Variants in UBE2W observed in about 807,000 individuals in gnomAD.
UBE2W encodes the protein ubiquitin conjugating enzyme E2 W.
In UBE2W, 18 loss-of-function variants were observed where a neutral mutation model predicts 27.2. The ratio of observed to expected loss-of-function variants is 0.66; its 90% CI spans 0.46 to 0.98. UBE2W has a LOEUF of 0.98. Ranked by LOEUF, UBE2W falls within the 50% of genes least tolerant of loss-of-function variation. The pLI, the probability that UBE2W is intolerant of heterozygous loss-of-function variation, is 0.00. For missense variants in UBE2W, 90 were observed against 180.2 expected, an observed-to-expected ratio of 0.50 and a Z score of 2.87; for synonymous variants, 53 against 57.2, an observed-to-expected ratio of 0.93 and a Z score of 0.33.
At position 73,869,099 on chromosome 8, in the gene UBE2W, G is replaced by A. The variant is rs547793444; in HGVS notation, c.15+9709C>T. On this transcript the variant is annotated intron_variant, in intron 1 of 5. Transcript: ENST00000602593. ...ATTACTTGGCTACGAAAAGGAATAAGTATTCATACAAGCTACAACATGGAT... is the reference window on the plus strand; with the variant it reads ...ATTACTTGGCTACGAAAAGGAATAAATATTCATACAAGCTACAACATGGAT... Among the ~76,000 whole-genome samples, 8 of 152,312 alleles carry A rather than the reference G, an allele frequency of 5.3e-5. No homozygotes were observed. In the South Asian group the frequency reaches 1.7e-3, roughly 32 times the overall value.
At chr8:73,866,313 A>G (rs1811771320) in intron 1 of UBE2W, among the ~76,000 whole-genome samples, 1 of 139,126 alleles carries the variant, frequency 7.2e-6, no homozygotes, top group South Asian at 2.2e-4. Flanking sequence ...ATATATATAT[A>G]TATATACTCA....
chr8:73,859,982 G>A (rs964602869), intron 1 of UBE2W, among the ~76,000 whole-genome samples: 8 of 152,128 alleles, frequency 5.3e-5, no homozygotes, highest in African/African-American at 1.2e-4. Flanking sequence ...TTTCAGAAAT[G>A]AGGAAAAGTA....
At chr8:73,854,041 C>G (rs1340841021) in intron 1 of UBE2W, among the ~76,000 whole-genome samples, 1 of 151,980 alleles carries the variant, frequency 6.6e-6, no homozygotes, top group Non-Finnish European at 1.5e-5. Flanking sequence ...CCCAGCTACT[C>G]AGGAGGCTGA....
chr8:73,855,824 A>T (rs1235361961), intron 1 of UBE2W, among the ~76,000 whole-genome samples: 1 of 152,132 alleles, frequency 6.6e-6, no homozygotes, highest in African/African-American at 2.4e-5. Context: ...TTAATTATTA[A>T]TTAAATCATT....
intron 1 of UBE2W, among the ~76,000 whole-genome samples, chr8:73,853,551 G>A (rs1811163439): frequency 6.6e-6 from 1 of 152,062 alleles, no homozygotes; most frequent in Non-Finnish European, 1.5e-5. Context: ...GTGAACCATT[G>A]CGCCTGACCC....
intron 3 of UBE2W, among the ~76,000 whole-genome samples, chr8:73,819,418 C>A (rs887166925): frequency 6.6e-6 from 1 of 152,152 alleles, no homozygotes; most frequent in East Asian, 1.9e-4. Flanking sequence ...ATTTACCTAT[C>A]CAAATACTAA....
rs1002227410 is a variant in UBE2W at position 73,791,905 on chromosome 8, C to A, written c.*2197G>T. The A allele has an allele frequency of 4.1e-6, 4 of 984,650 alleles. No homozygotes were observed. In the African/African-American group the frequency reaches 5.2e-5, roughly 13 times the overall value. The allele number at this position is 984,650 out of a possible 1,614,324, so 61.0% of individuals were successfully genotyped here. A position where few individuals can be genotyped will look rare whatever the true frequency, so the allele number is the denominator to read the frequency against. ...TGTTAAAATATTGTCATAAAAAACT[C>A]AATTGAGGCTATATATGACCTATTA... On this transcript the variant is annotated 3_prime_UTR_variant, in exon 6 of 6. Coordinates refer to ENST00000602593, the MANE Select transcript of UBE2W (RefSeq NM_018299.6).
chr8:73,870,923 G>A (rs1811985166), intron 1 of UBE2W, among the ~76,000 whole-genome samples: 1 of 151,760 alleles, frequency 6.6e-6, no homozygotes, highest in African/African-American at 2.4e-5. Context: ...GTAGCAAGGA[G>A]GACAATAAGG....
At chr8:73,846,490 C>T (rs574659755) in intron 1 of UBE2W, among the ~76,000 whole-genome samples, 1 of 152,248 alleles carries the variant, frequency 6.6e-6, no homozygotes, top group South Asian at 2.1e-4. Flanking sequence ...AAGCAGCACA[C>T]CACCAAACAC....
intron 1 of UBE2W, among the ~76,000 whole-genome samples, chr8:73,853,365 T>C (rs1254845741): frequency 4.6e-5 from 7 of 152,180 alleles, no homozygotes; most frequent in Non-Finnish European, 7.3e-5. Context: ...CATAGCTCCC[T>C]GCAATGCTCC....
chr8:73,858,979 C>CGTGTGTGTGTGT (rs59095956), intron 1 of UBE2W, among the ~76,000 whole-genome samples: 1 of 125,922 alleles, frequency 7.9e-6, no homozygotes, highest in African/African-American at 3.0e-5. Context: ...GGGGTTTTTG[C>CGTGTGTGTGTGT]GTGTGTGTGT....
chr8:73,807,852 GA>G (rs1348805529), intron 4 of UBE2W, among the ~76,000 whole-genome samples: 1 of 152,112 alleles, frequency 6.6e-6, no homozygotes, highest in African/African-American at 2.4e-5. Context: ...TCTTGGAAAA[GA>G]AACTATACAA....
intron 1 of UBE2W, among the ~76,000 whole-genome samples, chr8:73,848,026 AC>A (rs1460598936): frequency 6.6e-5 from 10 of 151,184 alleles, no homozygotes; most frequent in Admixed American, 6.6e-5. Flanking sequence ...ATACAGAGAA[AC>A]CCCATCTCTA....
At chr8:73,831,122 ATACATC>A in intron 1 of UBE2W, 3 of 366,384 alleles carry the variant, frequency 8.2e-6, no homozygotes, top group Middle Eastern at 8.5e-4. Context: ...AAACCAGTAA[ATACATC>A]TATGGCAGTA....
At chr8:73,868,155 GT>G (rs1417890998) in intron 1 of UBE2W, among the ~76,000 whole-genome samples, 1 of 152,216 alleles carries the variant, frequency 6.6e-6, no homozygotes, top group Non-Finnish European at 1.5e-5. Context: ...AACCAACCAT[GT>G]GATTAGAGGG....
chr8:73,869,408 T>C (rs1811906425), intron 1 of UBE2W, among the ~76,000 whole-genome samples: 1 of 151,446 alleles, frequency 6.6e-6, no homozygotes, highest in South Asian at 2.1e-4. Context: ...ATACAAAAAT[T>C]AGCTGGGCAC....
chr8:73,800,952 C>T (rs62508046), intron 5 of UBE2W, among the ~76,000 whole-genome samples: 3 of 152,164 alleles, frequency 2.0e-5, no homozygotes, highest in African/African-American at 4.8e-5. Context: ...ATTAGCCGGG[C>T]GTGGTGGCAC....
At chr8:73,832,545 T>G (rs2130912119) in intron 1 of UBE2W, among the ~76,000 whole-genome samples, 1 of 152,370 alleles carries the variant, frequency 6.6e-6, no homozygotes, top group Non-Finnish European at 1.5e-5. Flanking sequence ...AAAAAATATT[T>G]CAACACTGAT....
chr8:73,827,578 G>A (rs1029223462), intron 2 of UBE2W, among the ~76,000 whole-genome samples: 21 of 152,094 alleles, frequency 1.4e-4, no homozygotes, highest in African/African-American at 4.8e-4. Flanking sequence ...CACCCAGGCT[G>A]GAGTACCGTG....
Sources: allele counts gnomAD v4.1 joint callset (sites outside exome capture counted in the v4.1 genomes callset), GRCh38; gene constraint gnomAD v4.1.1; transcripts MANE v1.5; gene names NCBI Gene and HGNC (gene_info 2026-07-23, HGNC 2026-07-21).